The following NCKAP1 variants were observed in gnomAD, a reference collection of about 807,000 sequenced individuals.
The protein encoded by NCKAP1 is nck-associated protein 1.
NCKAP1 carries 21 observed loss-of-function variants against 151.2 expected under a neutral mutation model. The ratio of observed to expected loss-of-function variants is 0.14; its 90% CI spans 0.10 to 0.20. The LOEUF is 0.20. NCKAP1 is among the 10% of genes least tolerant of loss of function. The pLI is 1.00. For missense variants in NCKAP1, 933 were observed against 1,352.1 expected (o/e 0.69, Z 4.86); for synonymous variants, 484 against 451.8 (o/e 1.07, Z -0.90).
At chr2:183,032,933 C>T (rs1699034040) in intron 1 of NCKAP1, among the ~76,000 whole-genome samples, 4 of 152,052 alleles carry the variant, frequency 2.6e-5, no homozygotes, top group South Asian at 4.1e-4. Context: ...GCCTATAGTC[C>T]CAGCTACTCA....
At chr2:183,014,388 T>TA (rs1559106814) in intron 2 of NCKAP1, among the ~76,000 whole-genome samples, 2 of 151,728 alleles carry the variant, frequency 1.3e-5, no homozygotes, top group African/African-American at 2.4e-5. Flanking sequence ...TTCCAGATAG[T>TA]AAAAAAAAGT....
chr2:183,029,302 C>T (rs964494308), intron 1 of NCKAP1, among the ~76,000 whole-genome samples: 1 of 152,070 alleles, frequency 6.6e-6, no homozygotes, highest in Admixed American at 6.5e-5. Context: ...AGACCCTATG[C>T]CATTTTAAAG....
intron 15 of NCKAP1, among the ~76,000 whole-genome samples, chr2:182,975,939 A>G (rs1348092783): frequency 6.6e-6 from 1 of 152,126 alleles, no homozygotes; most frequent in East Asian, 1.9e-4. Context: ...ATTTTTTTAA[A>G]AAGACAAAAA....
At chr2:182,945,944 GT>G (rs2105815413) in intron 23 of NCKAP1, among the ~76,000 whole-genome samples, 1 of 152,300 alleles carries the variant, frequency 6.6e-6, no homozygotes, top group South Asian at 2.1e-4. Flanking sequence ...TAAAGAAAAT[GT>G]GGTACATATA....
chr2:183,017,658 G>T (rs1316779657), intron 2 of NCKAP1, among the ~76,000 whole-genome samples: 1 of 152,146 alleles, frequency 6.6e-6, no homozygotes, highest in Non-Finnish European at 1.5e-5. Flanking sequence ...TGGCCTGGGG[G>T]TTGGGGACCC....
At position 182,995,784 on chromosome 2, in the gene NCKAP1, A is replaced by G; in HGVS notation, c.658T>C (p.Ser220Pro). The change falls in exon 7 of 31, where the codon TCA (serine) becomes CCA (proline). Residue 220 changes from serine (S) to proline (P), a missense_variant. Ser to Pro is a moderately conservative substitution (Grantham distance 74). Around this residue, in one of 2 missense-constraint regions of NCKAP1, gnomAD observed 607 missense variants for 795.0 expected, o/e 0.76. Transcript: ENST00000361354. ...TGGGCATTTCTCCACTGGTCAGCTG[A>G]AAGATTCCTTCGAGGATATACCATT... ...LQMVYPRRNLSADQWRNAQLL... is the reference protein window; with the variant it reads ...LQMVYPRRNLPADQWRNAQLL... 6.2e-7 allele frequency: 1 copy of G among 1,613,100 alleles called. No individual in the cohort carries two copies. Among genetic ancestry groups the G allele is most frequent in the Non-Finnish European group, 8.5e-7 (1 of 1,179,058 alleles).
chr2:183,037,744 C>G (rs1223975091), intron 1 of NCKAP1, among the ~76,000 whole-genome samples: 1 of 152,104 alleles, frequency 6.6e-6, no homozygotes, highest in South Asian at 2.1e-4. Context: ...GCCCAGCGCC[C>G]GATCCCGCCG....
At chr2:182,952,028 C>T (rs1213180941) in intron 23 of NCKAP1, among the ~76,000 whole-genome samples, 1 of 152,082 alleles carries the variant, frequency 6.6e-6, no homozygotes, top group African/African-American at 2.4e-5. Flanking sequence ...GTATTATAAT[C>T]TATGGAAAGC....
At chr2:182,952,641 C>A in intron 22 of NCKAP1, 139 bp from the exon 23 acceptor site, 3 of 1,118,532 alleles carry the variant, frequency 2.7e-6, no homozygotes, top group East Asian at 2.6e-5. Flanking sequence ...AGAGAGAATA[C>A]AAAATGCAAA....
chr2:182,931,910 T>C (rs1159766240), intron 26 of NCKAP1, among the ~76,000 whole-genome samples: 2 of 151,850 alleles, frequency 1.3e-5, no homozygotes, highest in Admixed American at 6.6e-5. Flanking sequence ...AAAATGCAAA[T>C]ATAAACAATG....
In NCKAP1 at chr2:182,917,684, C is replaced by T. The variant is rs1159011135; in HGVS notation, c.*8018G>A. 2.0e-5 allele frequency: 3 copies of T among 152,114 alleles called. No individual in the cohort carries two copies. Among genetic ancestry groups the T allele is most frequent in the African/African-American group, 7.2e-5 (3 of 41,416 alleles). The allele number at this position is 152,114 out of a possible 1,614,324, so 9.4% of individuals were successfully genotyped here. On this transcript the variant is annotated 3_prime_UTR_variant, in exon 31 of 31. Coordinates refer to ENST00000361354, the MANE Select transcript of NCKAP1 (RefSeq NM_013436.5). ...TATGTTCCAGTGTAGGATCTCACTT[C>T]AACAGCTGCGTTACCTTCAGAAAAT...
intron 18 of NCKAP1, among the ~76,000 whole-genome samples, chr2:182,958,998 G>A (rs1697383279): frequency 6.6e-6 from 1 of 152,140 alleles, no homozygotes; most frequent in Admixed American, 6.5e-5. Flanking sequence ...TTGAATCATT[G>A]TTTTTAAAAT....
intron 24 of NCKAP1, among the ~76,000 whole-genome samples, chr2:182,936,869 G>C (rs570248112): frequency 6.6e-6 from 1 of 152,022 alleles, no homozygotes; most frequent in East Asian, 1.9e-4. Flanking sequence ...GATGAGACTA[G>C]GTTGGGTGGC....
At chr2:182,970,856 TTACAAAAACCTAAAGAC>T (rs1179837839) in intron 15 of NCKAP1, among the ~76,000 whole-genome samples, 1 of 45,852 alleles carries the variant, frequency 2.2e-5, no homozygotes, top group East Asian at 6.2e-4. Flanking sequence ...GATATTATAT[TTACAAAAACCTAAAGAC>T]TATTAAAACT....
intron 26 of NCKAP1, among the ~76,000 whole-genome samples, chr2:182,931,796 C>G (rs1559070620): frequency 6.6e-6 from 1 of 151,970 alleles, no homozygotes; most frequent in Non-Finnish European, 1.5e-5. Flanking sequence ...AAAAAGACAA[C>G]CCAATTTAAA....
intron 15 of NCKAP1, among the ~76,000 whole-genome samples, chr2:182,969,455 A>G (rs1257480579): frequency 6.6e-6 from 1 of 152,182 alleles, no homozygotes; most frequent in African/African-American, 2.4e-5. Flanking sequence ...GAAAGTTTAT[A>G]GCAATAAACA....
At chr2:183,027,481 T>C (rs1294193532) in intron 1 of NCKAP1, among the ~76,000 whole-genome samples, 1 of 152,072 alleles carries the variant, frequency 6.6e-6, no homozygotes, top group Non-Finnish European at 1.5e-5. Flanking sequence ...AAGAAGTCTA[T>C]GAAAAAAATA....
intron 2 of NCKAP1, among the ~76,000 whole-genome samples, chr2:183,004,501 A>C (rs904960070): frequency 7.2e-5 from 11 of 151,758 alleles, no homozygotes; most frequent in Non-Finnish European, 1.5e-4. Flanking sequence ...AAAAAAAAAA[A>C]AAAAAACAGC....
intron 1 of NCKAP1, among the ~76,000 whole-genome samples, chr2:183,035,875 T>TAA (rs1699091601): frequency 1.3e-5 from 2 of 151,752 alleles, no homozygotes; most frequent in Non-Finnish European, 2.9e-5. Flanking sequence ...ACTGAAGGCC[T>TAA]CGAGTATCAG....
Sources: gnomAD v4.1 joint callset for allele counts (sites outside exome capture counted in the v4.1 genomes callset) on GRCh38, gnomAD v4.1.1 for gene constraint, gnomAD v4.1.1 regional missense constraint, MANE v1.5 for transcripts, NCBI Gene and HGNC (gene_info 2026-07-23, HGNC 2026-07-21) for gene names.